SRP54: variants seen among roughly 807,000 people sequenced by gnomAD.
SRP54 encodes signal recognition particle 54.
SRP54 carries 10 observed loss-of-function variants against 64.8 expected under a neutral mutation model. That is an observed-to-expected ratio of 0.15 (90% CI 0.10 to 0.26). The LOEUF is 0.26. Ranked by LOEUF, SRP54 falls within the 10% of genes least tolerant of loss-of-function variation. The pLI is 1.00. For missense variants in SRP54, 325 were observed against 613.7 expected, an observed-to-expected ratio of 0.53 and a Z score of 4.97; for synonymous variants, 193 against 185.6, an observed-to-expected ratio of 1.04 and a Z score of -0.32.
intron 1 of SRP54, among the ~76,000 whole-genome samples, chr14:34,992,361 AT>A (rs1318761410): frequency 6.6e-6 from 1 of 152,174 alleles, no homozygotes; most frequent in African/African-American, 2.4e-5. Flanking sequence ...AAGGAAAAGT[AT>A]ATTGGAAAAC....
intron 4 of SRP54, among the ~76,000 whole-genome samples, chr14:35,005,438 C>G (rs1364561797): frequency 2.4e-4 from 36 of 152,252 alleles, no homozygotes; most frequent in Non-Finnish European, 2.9e-5. Flanking sequence ...AGCCTGTTGC[C>G]CAGGCCGGAG....
At chr14:35,025,990 A>G (rs1007013811) in intron 14 of SRP54, among the ~76,000 whole-genome samples, 1 of 151,512 alleles carries the variant, frequency 6.6e-6, no homozygotes, top group Non-Finnish European at 1.5e-5. Flanking sequence ...CAGGAGGGCA[A>G]GGCTGCAGTG....
intron 8 of SRP54, among the ~76,000 whole-genome samples, chr14:35,012,941 GTTTTTTTT>G (rs761844773): frequency 8.4e-6 from 1 of 118,418 alleles, no homozygotes; most frequent in South Asian, 2.7e-4. Context: ...AAATGTTGTA[GTTTTTTTT>G]TTTTTTTTTT....
intron 10 of SRP54, among the ~76,000 whole-genome samples, chr14:35,014,541 A>G (rs957260880): frequency 2.0e-5 from 3 of 151,952 alleles, no homozygotes; most frequent in African/African-American, 7.3e-5. Context: ...TGGCCTCCCA[A>G]AGTGCTGGGA....
At chr14:35,007,445 G>T in intron 5 of SRP54, 58 bp downstream of exon 5, 1 of 1,044,704 alleles carries the variant, frequency 9.6e-7, no homozygotes, top group Non-Finnish European at 1.3e-6. Flanking sequence ...TATAAATCAA[G>T]TTTTGTATTT....
intron 11 of SRP54, among the ~76,000 whole-genome samples, chr14:35,015,944 C>G (rs1373554085): frequency 6.6e-6 from 1 of 152,180 alleles, no homozygotes; most frequent in Non-Finnish European, 1.5e-5. Flanking sequence ...TATTCCCATC[C>G]CAACCTCTCA....
At chr14:35,008,523 T>TATATAAAATAAAAAAAATATA (rs2044303072) in intron 5 of SRP54, 104 bp from the exon 6 acceptor site, 3 of 709,830 alleles carry the variant, frequency 4.2e-6, no homozygotes, top group Non-Finnish European at 6.1e-6. Flanking sequence ...TTATAAGCAG[T>TATATAAAATAAAAAAAATATA]TTTATTTTAC....
intron 8 of SRP54, among the ~76,000 whole-genome samples, chr14:35,011,888 C>T (rs1470392573): frequency 6.6e-6 from 1 of 152,122 alleles, no homozygotes; most frequent in African/African-American, 2.4e-5. Flanking sequence ...TTTCCTTTCT[C>T]AGTCATCCTA....
At chr14:35,013,994 T>A in intron 10 of SRP54, 92 bp downstream of exon 10, 2 of 884,646 alleles carry the variant, frequency 2.3e-6, no homozygotes, top group East Asian at 2.5e-5. Flanking sequence ...CTCACTAATT[T>A]AAGCACATCA....
intron 15 of SRP54, among the ~76,000 whole-genome samples, chr14:35,028,489 T>C (rs2044670354): frequency 6.6e-6 from 1 of 152,226 alleles, no homozygotes; most frequent in African/African-American, 2.4e-5. Context: ...TGAGGATTTT[T>C]AACCTGAGTT....
chr14:35,002,368 C>G (rs963857675), intron 4 of SRP54, among the ~76,000 whole-genome samples: 1 of 151,460 alleles, frequency 6.6e-6, no homozygotes, highest in African/African-American at 2.4e-5. Context: ...AAAAAACAAA[C>G]AAAAAAAATT....
At chr14:35,027,992 T>C (rs2044661272) in intron 14 of SRP54, 96 bp from the exon 15 acceptor site, 4 of 613,204 alleles carry the variant, frequency 6.5e-6, no homozygotes, top group Non-Finnish European at 2.7e-6. Context: ...TTTTTCTTAG[T>C]ATTTTCTCAG....
rs1278546210 is a variant in SRP54, at chr14:35,014,784, G to A, written c.927G>A (p.Glu309=). 2 of 1,613,956 alleles carry A rather than the reference G, an allele frequency of 1.2e-6. No individual in the cohort carries two copies. The highest frequency in any genetic ancestry group is 1.7e-6 in the Non-Finnish European group (2 of 1,179,984). The change falls in exon 11 of 16, where the codon GAG becomes GAA. Residue 309 remains glutamate (E), a synonymous_variant. Coordinates refer to ENST00000216774, the MANE Select transcript of SRP54 (RefSeq NM_003136.4). ...DIEGLIDKVN[E]LKLDDNEALI... is the part of the protein sequence containing the mutation. ...AAGGACTGATAGATAAAGTCAACGA[G>A]TTGAAGTTGGATGACAATGAAGCAC...
chr14:35,029,145 A>C lies in SRP54; in HGVS notation c.1508A>C (p.Asn503Thr), dbSNP rs755009516. ...GNMKGMMGFN[N>T]M ...ATGAAAGGCATGATGGGATTCAATAATATGTAAAGAAAATGCCTTAATATA... is the reference window on the plus strand; with the variant it reads ...ATGAAAGGCATGATGGGATTCAATACTATGTAAAGAAAATGCCTTAATATA... Residue 503 changes from asparagine to threonine, a missense_variant, in exon 16 of 16, where the codon AAT becomes ACT. Asn to Thr is a moderately conservative substitution (Grantham distance 65). Transcript: ENST00000216774. 1.4e-5 allele frequency: 23 copies of C among 1,613,498 alleles called. No individual in the cohort carries two copies. The highest frequency in any genetic ancestry group is 1.9e-5 in the Non-Finnish European group (22 of 1,179,714).
At chr14:34,993,739 G>A (rs1357415610) in intron 1 of SRP54, among the ~76,000 whole-genome samples, 1 of 151,976 alleles carries the variant, frequency 6.6e-6, no homozygotes, top group Non-Finnish European at 1.5e-5. Context: ...TTGTTGCCCA[G>A]GCTGGAGTGC....
intron 15 of SRP54, 126 bp from the exon 16 acceptor site, chr14:35,028,935 C>T: frequency 1.4e-6 from 1 of 700,242 alleles, no homozygotes; most frequent in Non-Finnish European, 2.4e-6. Context: ...TTCTTTAAGG[C>T]TGATGACTAA....
chr14:34,999,780 A>C, intron 3 of SRP54, 131 bp downstream of exon 3: 3 of 622,328 alleles, frequency 4.8e-6, no homozygotes, highest in Non-Finnish European at 8.6e-6. Context: ...GCTGTGTTGG[A>C]GCTCATATGT....
chr14:35,017,544 T>G (rs2044463543), intron 11 of SRP54, among the ~76,000 whole-genome samples: 1 of 152,220 alleles, frequency 6.6e-6, no homozygotes, highest in Non-Finnish European at 1.5e-5. Context: ...TGCTATAACA[T>G]TTCTTTTAAG....
intron 14 of SRP54, among the ~76,000 whole-genome samples, chr14:35,025,690 A>G (rs1441460228): frequency 6.6e-6 from 1 of 152,252 alleles, no homozygotes; most frequent in Non-Finnish European, 1.5e-5. Flanking sequence ...ACTAATGAGC[A>G]TGGAATTCCC....
Sources: allele counts gnomAD v4.1 joint callset (sites outside exome capture counted in the v4.1 genomes callset), GRCh38; gene constraint gnomAD v4.1.1; transcripts MANE v1.5; gene names NCBI Gene and HGNC (gene_info 2026-07-23, HGNC 2026-07-21).